Variants in RBFOX1 observed in about 807,000 individuals in gnomAD.
The protein encoded by RBFOX1 is RNA binding protein fox-1 homolog 1.
In RBFOX1, 8 loss-of-function variants were observed where a neutral mutation model predicts 57.7. The observed-to-expected ratio is 0.14, with a 90% CI of 0.08 to 0.25. The LOEUF (loss-of-function observed/expected upper bound fraction) is 0.25, where lower values mean the gene tolerates loss of function less well. Among genes scored for constraint, RBFOX1 ranks in the 10% least tolerant of loss-of-function variants. The probability of loss-of-function intolerance (pLI) is 1.00; values close to 1 mark genes in which losing one functional copy is unlikely to be tolerated. For missense variants in RBFOX1, 611 were observed against 548.5 expected, an observed-to-expected ratio of 1.11 and a Z score of -1.14; for synonymous variants, 326 against 222.4, an observed-to-expected ratio of 1.47 and a Z score of -4.15.
intron 2 of RBFOX1, among the ~76,000 whole-genome samples, chr16:6,440,794 C>G (rs1326092438): frequency 7.7e-6 from 1 of 130,140 alleles, no homozygotes; most frequent in Non-Finnish European, 1.6e-5. Context: ...GAGCGAGACA[C>G]CATCTGGAAA....
chr16:6,869,569 C>T (rs904354410), intron 3 of RBFOX1, among the ~76,000 whole-genome samples: 8 of 151,728 alleles, frequency 5.3e-5, no homozygotes, highest in Admixed American at 4.6e-4. Context: ...ACATTAATTT[C>T]TGTGCAGAGT....
chr16:6,097,774 T>C lies in RBFOX1; in HGVS notation c.-127+77782T>C, dbSNP rs1318918254. Among the ~76,000 whole-genome samples, 2 of 152,000 alleles carry C rather than the reference T, an allele frequency of 1.3e-5. No homozygotes were observed. The highest frequency in any genetic ancestry group is 2.9e-5 in the Non-Finnish European group (2 of 67,984). ...CTGTGTTCTCTTCTTTTTTTTTTTT[T>C]CTTACCACCCTCCAAAATTCTTATT... On this transcript the variant is annotated intron_variant, in intron 1 of 15. Coordinates refer to ENST00000550418, the MANE Select transcript of RBFOX1 (RefSeq NM_018723.4). The surrounding 1 kb of genome is among the most constrained non-coding windows in gnomAD (Gnocchi z 5.0).
At position 7,130,032 on chromosome 16, in the gene RBFOX1, A is replaced by ATTT. The variant is rs58634498; in HGVS notation, c.27+77950_27+77952dup. The stretch of plus-strand genomic sequence containing the variant: ...CCTCTAATCTTCTTCATTTTTGAAG[A>ATTT]TTTTTTTTTTTTTTTTTTGAGACAG... On this transcript the variant is annotated intron_variant, in intron 4 of 15. Transcript: ENST00000550418. Among the ~76,000 whole-genome samples the ATTT allele has an allele frequency of 4.9e-3, 658 of 133,374 alleles. 12 individuals are homozygous for ATTT. Among genetic ancestry groups the ATTT allele is most frequent in the African/African-American group, 0.017 (607 of 35,158 alleles). The allele number at this position is 133,374 out of a possible 152,430, so 87.5% of individuals were successfully genotyped here.
intron 1 of RBFOX1, among the ~76,000 whole-genome samples, chr16:5,440,834 G>C (rs2068062073): frequency 6.6e-6 from 1 of 152,128 alleles, no homozygotes; most frequent in Admixed American, 6.5e-5. Flanking sequence ...CCATGAGTTG[G>C]TCTTCTAGAT....
intron 3 of RBFOX1, among the ~76,000 whole-genome samples, chr16:5,856,151 TTCTCTCTC>T (rs35841072): frequency 0.017 from 675 of 40,396 alleles, 39 homozygotes; most frequent in African/African-American, 0.069. Context: ...GTCTTTATGG[TTCTCTCTC>T]TCTCTCTCTC....
chr16:5,366,543 T>C (rs1052152725), intron 1 of RBFOX1: 24 of 405,600 alleles, frequency 5.9e-5, no homozygotes, highest in African/African-American at 4.4e-4. Context: ...CTGTAGAAGA[T>C]GTTAGAGCAG....
chr16:6,894,508 C>T (rs1225302742), intron 3 of RBFOX1, among the ~76,000 whole-genome samples: 1 of 152,178 alleles, frequency 6.6e-6, no homozygotes, highest in Non-Finnish European at 1.5e-5. Flanking sequence ...TTTCTGTTCA[C>T]ACCTGCTCTC....
chr16:5,307,379 C>T (rs1054935207), intron 1 of RBFOX1, among the ~76,000 whole-genome samples: 1 of 152,132 alleles, frequency 6.6e-6, no homozygotes, highest in Non-Finnish European at 1.5e-5. Context: ...GCCATCTTCC[C>T]CTCCCTCCCT....
In RBFOX1 at chr16:7,599,638, C is replaced by CTTTTTTTTTTTTTTTT. The variant is rs542898195; in HGVS notation, c.622+2219_622+2220insTTTTTTTTTTTTTTTT. ...GAGAAGATGAAGAAATTAATAAAGA[C>CTTTTTTTTTTTTTTTT]TTTTTTTTTTTTCTTTTTTTTTTTT... is the stretch of plus-strand genomic sequence containing the variant. On this transcript the variant is annotated intron_variant, in intron 9 of 15. Coordinates refer to ENST00000550418, the MANE Select transcript of RBFOX1 (RefSeq NM_018723.4). Among the ~76,000 whole-genome samples, 3 of 62,804 alleles carry CTTTTTTTTTTTTTTTT rather than the reference C, an allele frequency of 4.8e-5. 1 individual carries two copies. The highest frequency in any genetic ancestry group is 1.5e-4 in the African/African-American group (3 of 20,312). 41.2% of individuals were successfully genotyped at this position (62,804 alleles called of 152,430 possible).
At position 7,468,164 on chromosome 16, in the gene RBFOX1, A is replaced by T. The variant is rs183161944; in HGVS notation, c.28-49983A>T. On this transcript the variant is annotated intron_variant, in intron 4 of 15. Transcript: ENST00000550418. Reference sequence around the variant, plus strand: ...AACCCTGGCATTAAATCTCCACAGTAAAGTTGCTTGGTACACAGGATCAAA... The same window carrying T: ...AACCCTGGCATTAAATCTCCACAGTTAAGTTGCTTGGTACACAGGATCAAA... 2.6e-5 allele frequency among the ~76,000 whole-genome samples: 4 copies of T among 152,272 alleles called. No homozygotes were observed. The East Asian group carries it at 7.7e-4, about 29-fold the overall frequency.
intron 2 of RBFOX1, among the ~76,000 whole-genome samples, chr16:5,520,408 T>C (rs940953676): frequency 5.9e-5 from 9 of 152,242 alleles, no homozygotes; most frequent in African/African-American, 2.2e-4. Flanking sequence ...TTTAGATGGC[T>C]AACTCACCCC....
At chr16:7,471,144 C>T (rs1332554738) in intron 4 of RBFOX1, among the ~76,000 whole-genome samples, 3 of 152,042 alleles carry the variant, frequency 2.0e-5, no homozygotes, top group Non-Finnish European at 4.4e-5. Context: ...TGCCATTATT[C>T]TTGGGGGGAT....
chr16:5,433,734 C>T (rs79366185), intron 1 of RBFOX1, among the ~76,000 whole-genome samples: 1,979 of 152,310 alleles, frequency 0.013, 26 homozygotes, highest in East Asian at 0.046. Context: ...CTTTCCTCCC[C>T]TCCCTGCTCC....
chr16:5,970,634 C>T (rs1175393583), intron 4 of RBFOX1, among the ~76,000 whole-genome samples: 1 of 152,186 alleles, frequency 6.6e-6, no homozygotes, highest in African/African-American at 2.4e-5. Context: ...GTCAAATTAG[C>T]ACCTGCCAGA....
intron 10 of RBFOX1, among the ~76,000 whole-genome samples, chr16:7,620,248 C>T (rs2059105969): frequency 6.6e-6 from 1 of 152,182 alleles, no homozygotes; most frequent in African/African-American, 2.4e-5. Context: ...TAGTTGTAAT[C>T]CTCACAGCAA....
At chr16:7,554,487 AGTC>A (rs1057334325) in intron 5 of RBFOX1, among the ~76,000 whole-genome samples, 65 of 152,316 alleles carry the variant, frequency 4.3e-4, no homozygotes, top group African/African-American at 1.5e-3. Flanking sequence ...GTTCAGCCTG[AGTC>A]GTGTAGACTA....
intron 3 of RBFOX1, among the ~76,000 whole-genome samples, chr16:7,045,040 A>T (rs189893173): frequency 6.6e-6 from 1 of 152,162 alleles, no homozygotes; most frequent in Non-Finnish European, 1.5e-5. Flanking sequence ...GTTTTGTGCA[A>T]TGGACAGCTC....
At chr16:7,040,304 C>T (rs563465449) in intron 3 of RBFOX1, among the ~76,000 whole-genome samples, 9 of 152,226 alleles carry the variant, frequency 5.9e-5, no homozygotes, top group Admixed American at 2.0e-4. Flanking sequence ...CAGGTGTGAG[C>T]CACCGTGCCC....
chr16:6,098,201 G>A (rs1234211736), intron 1 of RBFOX1, among the ~76,000 whole-genome samples: 3 of 152,166 alleles, frequency 2.0e-5, no homozygotes, highest in African/African-American at 7.2e-5. Context: ...CCCTGGGAGG[G>A]CCTGTGTGAC....
Sources: allele counts gnomAD v4.1 joint callset (sites outside exome capture counted in the v4.1 genomes callset), GRCh38; gene constraint gnomAD v4.1.1; non-coding constraint Gnocchi (gnomAD v3.1); transcripts MANE v1.5; gene names NCBI Gene and HGNC (gene_info 2026-07-23, HGNC 2026-07-21).